The following ADAM17 variants were observed in gnomAD, a reference collection of about 807,000 sequenced individuals.
ADAM17 encodes the protein ADAM metallopeptidase domain 17.
ADAM17 carries 39 observed loss-of-function variants against 96.7 expected under a neutral mutation model. The observed-to-expected ratio is 0.40, with a 90% CI of 0.31 to 0.53. The LOEUF (loss-of-function observed/expected upper bound fraction) is 0.53. ADAM17 is among the 20% of genes least tolerant of loss of function. The pLI is 0.44. For missense variants in ADAM17, 777 were observed against 1,013.2 expected (o/e 0.77, Z 3.17); for synonymous variants, 344 against 359.2 (o/e 0.96, Z 0.48).
rs373192089 is a variant in ADAM17 at position 9,526,212 on chromosome 2, G to T, written c.652C>A (p.Pro218Thr). The T allele has an allele frequency of 1.6e-5, 26 of 1,613,296 alleles. No homozygotes were observed. The highest frequency in any genetic ancestry group is 2.0e-5 in the Non-Finnish European group (24 of 1,179,740). ...LVHRVKRRAD[P>T]DPMKNTCKLL... ...TTACACGTGTTCTTCATGGGATCTGGGTCAGCTCTTCTTTTCACTCGATGA... is the reference window on the plus strand; with the variant it reads ...TTACACGTGTTCTTCATGGGATCTGTGTCAGCTCTTCTTTTCACTCGATGA... The change falls in exon 6 of 19, where the codon CCA becomes ACA. Residue 218 changes from proline to threonine, a missense_variant. By Grantham distance (38) the Pro-to-Thr change is conservative. Around this residue, in one of 3 missense-constraint regions of ADAM17, gnomAD observed 446 missense variants for 664.7 expected, o/e 0.67. Transcript: ENST00000310823.
At chr2:9,527,082 G>C (rs549240588) in intron 5 of ADAM17, among the ~76,000 whole-genome samples, 1 of 152,156 alleles carries the variant, frequency 6.6e-6, no homozygotes, top group South Asian at 2.1e-4. Context: ...CAACACTTTG[G>C]GAGGCTGAGG....
chr2:9,497,022 G>A (rs1662662738), intron 14 of ADAM17, 92 bp downstream of exon 14: 3 of 1,545,026 alleles, frequency 1.9e-6, no homozygotes, highest in East Asian at 2.3e-5. Context: ...CACCACTGCT[G>A]TCATTCGCAC....
chr2:9,543,227 C>T lies in ADAM17; in HGVS notation c.156G>A (p.Gln52=), dbSNP rs1194555515. 3.1e-6 allele frequency: 5 copies of T among 1,608,660 alleles called. No individual in the cohort carries two copies. The African/African-American group carries it at 6.7e-5, about 22-fold the overall frequency. Residue 52 remains glutamine (Q), a synonymous_variant, in exon 2 of 19, where the codon CAG becomes CAA. Transcript: ENST00000310823. The part of the protein sequence containing the change: ...YDILSLSNIQ[Q]HSVRKRDLQT... ...GTAGATCTCTTTTTCTTACCGAATG[C>T]TGCTGGATATTAGATAAAGAGAGAA...
intron 14 of ADAM17, 88 bp from the exon 15 acceptor site, chr2:9,494,855 A>G: frequency 6.6e-7 from 1 of 1,507,946 alleles, no homozygotes; most frequent in South Asian, 1.2e-5. Context: ...CCATGCTCCC[A>G]AAGAGGTAAG....
In ADAM17 at chr2:9,489,695, AG is replaced by A. The variant is rs1451872716; in HGVS notation, c.*481del. On this transcript the variant is annotated 3_prime_UTR_variant, in exon 19 of 19. Coordinates refer to ENST00000310823, the MANE Select transcript of ADAM17 (RefSeq NM_003183.6). Reference sequence around the variant, plus strand: ...CCACAATTTAGAGACAATGTATACTAGATTTATCTCCTTTGTTTTTAGTTGA... The same window carrying A: ...CCACAATTTAGAGACAATGTATACTAATTTATCTCCTTTGTTTTTAGTTGA... The A allele has an allele frequency of 6.8e-6, 1 of 146,668 alleles. No individual in the cohort carries two copies. Among genetic ancestry groups the A allele is most frequent in the African/African-American group, 2.6e-5 (1 of 39,152 alleles). 9.1% of individuals were successfully genotyped at this position (146,668 alleles called of 1,614,324 possible).
chr2:9,522,541 G>A, intron 7 of ADAM17: 1 of 487,688 alleles, frequency 2.1e-6, no homozygotes. Context: ...TAAACATGGT[G>A]AATGATTTTT....
At position 9,529,969 on chromosome 2, in the gene ADAM17, T is replaced by TACACACACAC. The variant is rs35137204; in HGVS notation, c.451-2025_451-2016dup. ...ACAGAGTGAGACTCCATCTCAAAAATACACACACACACACACACACACAAA... is the reference window on the plus strand; with the variant it reads ...ACAGAGTGAGACTCCATCTCAAAAATACACACACACACACACACACACACACACACACAAA... On this transcript the variant is annotated intron_variant, in intron 4 of 18. Coordinates refer to ENST00000310823, the MANE Select transcript of ADAM17 (RefSeq NM_003183.6). Among the ~76,000 whole-genome samples, 364 of 149,566 alleles carry TACACACACAC rather than the reference T, an allele frequency of 2.4e-3. 2 individuals are homozygous for TACACACACAC. The highest frequency in any genetic ancestry group is 8.6e-3 in the African/African-American group (353 of 40,862).
intron 13 of ADAM17, among the ~76,000 whole-genome samples, chr2:9,500,269 T>TA (rs1491508912): frequency 2.0e-5 from 3 of 152,218 alleles, no homozygotes; most frequent in African/African-American, 7.2e-5. Flanking sequence ...TTAAAAATGC[T>TA]ATGTTCAGTG....
chr2:9,537,706 C>T (rs1354405375), intron 2 of ADAM17, among the ~76,000 whole-genome samples: 1 of 151,008 alleles, frequency 6.6e-6, no homozygotes. Context: ...GTTGACAGCG[C>T]GAGACTCCCG....
chr2:9,543,474 CA>C (rs951889496), intron 1 of ADAM17, among the ~76,000 whole-genome samples, 189 bp from the exon 2 acceptor site: 146 of 152,252 alleles, frequency 9.6e-4, no homozygotes, highest in African/African-American at 3.4e-3. Context: ...TTTTAGAAGA[CA>C]AATTGGGTGA....
At position 9,513,558 on chromosome 2, in the gene ADAM17, G is replaced by A. The variant is rs548629976; in HGVS notation, c.1192-3427C>T. The stretch of plus-strand genomic sequence containing the variant: ...GGTGGAGAGTGTTTGAATTGAATTG[G>A]AGGACACCTAGCTGATGTCTACTGC... On this transcript the variant is annotated intron_variant, in intron 10 of 18. Coordinates refer to ENST00000310823, the MANE Select transcript of ADAM17 (RefSeq NM_003183.6). Among the ~76,000 whole-genome samples, 35 of 152,112 alleles carry A rather than the reference G, an allele frequency of 2.3e-4. 1 individual carries two copies. In the South Asian group the frequency reaches 7.3e-3, roughly 32 times the overall value.
rs1239780483 is a variant in ADAM17, at chr2:9,523,309, G to A, written c.783C>T (p.Ile261=). Residue 261 remains isoleucine, a synonymous_variant, in exon 7 of 19, where the codon ATC becomes ATT. Coordinates refer to ENST00000310823, the MANE Select transcript of ADAM17 (RefSeq NM_003183.6). Reference sequence around the variant, plus strand: ...CATTATCCCATGAAGTGTTCCGATAGATGTCATCAACTCTGTCAATTAGCT... The same window carrying A: ...CATTATCCCATGAAGTGTTCCGATAAATGTCATCAACTCTGTCAATTAGCT... ...LIELIDRVDD[I]YRNTSWDNAG... The A allele has an allele frequency of 3.7e-6, 6 of 1,612,872 alleles. No homozygotes were observed. Among genetic ancestry groups the A allele is most frequent in the Non-Finnish European group, 5.1e-6 (6 of 1,179,454 alleles).
Position 9,490,445 on chromosome 2 carries a change from G to A in ADAM17, c.2207C>T (p.Pro736Leu). The change falls in exon 19 of 19, where the codon CCA becomes CTA. Residue 736 changes from proline (P) to leucine (L), a missense_variant. Physicochemically the swap from Pro to Leu is moderately conservative, Grantham distance 98 (BLOSUM62 -3). Transcript: ENST00000310823. ...CACAGGGGCAGGCTGCAGGCGGCCT[G>A]GAGTCTGGGGCGCAGGAAAGGGTTT... The part of the protein sequence containing the change: ...IIKPFPAPQT[P>L]GRLQPAPVIP... 3 of 1,614,180 alleles carry A rather than the reference G, an allele frequency of 1.9e-6. No individual in the cohort carries two copies. The highest frequency in any genetic ancestry group is 2.5e-6 in the Non-Finnish European group (3 of 1,180,028).
intron 5 of ADAM17, among the ~76,000 whole-genome samples, chr2:9,526,815 A>C (rs1371665618): frequency 6.6e-6 from 1 of 152,056 alleles, no homozygotes; most frequent in Non-Finnish European, 1.5e-5. Context: ...TAAATAAATA[A>C]ATAGTGCTCA....
intron 14 of ADAM17, among the ~76,000 whole-genome samples, chr2:9,496,879 T>C (rs755887607): frequency 7.9e-5 from 12 of 152,128 alleles, no homozygotes; most frequent in Non-Finnish European, 1.8e-4. Flanking sequence ...AAGCCTGCCA[T>C]ATGGCCTGAA....
intron 10 of ADAM17, among the ~76,000 whole-genome samples, chr2:9,510,403 C>T (rs945271303): frequency 1.3e-5 from 2 of 152,156 alleles, no homozygotes; most frequent in Non-Finnish European, 2.9e-5. Context: ...TGGTGGCTCA[C>T]GCCTGTAATC....
rs1265412113 is a variant in ADAM17, at chr2:9,505,384, A to G, written c.1345-19T>C. On this transcript the variant is annotated intron_variant, in intron 11 of 18. Transcript: ENST00000310823. ...AAAACATCTTGAGAGAAAAAAGGCA[A>G]TAAGGACCCAAAATAATATCATAAA... 1 of 1,592,782 alleles carries G rather than the reference A, an allele frequency of 6.3e-7. No homozygotes were observed. The highest frequency in any genetic ancestry group is 1.1e-5 in the South Asian group (1 of 90,654).
At chr2:9,505,647 C>A in intron 11 of ADAM17, 1 of 409,226 alleles carries the variant, frequency 2.4e-6, no homozygotes, top group Non-Finnish European at 4.6e-6. Flanking sequence ...CCAAACATCC[C>A]AGTCAAAGCC....
intron 4 of ADAM17, among the ~76,000 whole-genome samples, chr2:9,532,921 T>TGGCTCATGCC (rs1664806139): frequency 6.6e-6 from 1 of 152,200 alleles, no homozygotes; most frequent in Non-Finnish European, 1.5e-5. Context: ...CTGGGCGTGG[T>TGGCTCATGCC]GGCTCATGCC....
Sources: gnomAD v4.1 joint callset for allele counts (sites outside exome capture counted in the v4.1 genomes callset) on GRCh38, gnomAD v4.1.1 for gene constraint, gnomAD v4.1.1 regional missense constraint, MANE v1.5 for transcripts, NCBI Gene and HGNC (gene_info 2026-07-23, HGNC 2026-07-21) for gene names.